IMPA1: variants seen among roughly 807,000 people sequenced by gnomAD.
IMPA1 encodes the protein inositol monophosphatase 1, also known as D-galactose 1-phosphate phosphatase.
IMPA1 carries 21 observed loss-of-function variants against 34.9 expected under a neutral mutation model. The ratio of observed to expected loss-of-function variants is 0.60; its 90% CI spans 0.43 to 0.87. IMPA1 has a LOEUF of 0.87. Among genes scored for constraint, IMPA1 ranks in the 40% least tolerant of loss-of-function variants. IMPA1 has a pLI of 0.00. For missense variants in IMPA1, 299 were observed against 336.4 expected (o/e 0.89, Z 0.87); for synonymous variants, 95 against 104.4 (o/e 0.91, Z 0.55).
chr8:81,662,146 G>A (rs1036438834), intron 7 of IMPA1, among the ~76,000 whole-genome samples: 4 of 152,166 alleles, frequency 2.6e-5, no homozygotes, highest in African/African-American at 9.6e-5. Context: ...GTAGTAGTAA[G>A]TGCACCAAAT....
intron 1 of IMPA1, chr8:81,685,705 T>TTA (rs1203327537): frequency 1.7e-5 from 15 of 872,430 alleles, no homozygotes; most frequent in East Asian, 4.3e-5. Context: ...ATATGAATAG[T>TTA]TATATATATA....
At chr8:81,660,795 G>A in intron 7 of IMPA1, 128 bp from the exon 8 acceptor site, 1 of 520,984 alleles carries the variant, frequency 1.9e-6, no homozygotes, top group Non-Finnish European at 3.3e-6. Context: ...GATTTTAAGA[G>A]GTGATATCTA....
At chr8:81,671,662 C>T (rs534115172) in intron 6 of IMPA1, among the ~76,000 whole-genome samples, 6 of 152,138 alleles carry the variant, frequency 3.9e-5, no homozygotes, top group African/African-American at 7.2e-5. Context: ...CTTTGGGAGG[C>T]GGAGGCAGGC....
rs1345485867 is a variant in IMPA1, at chr8:81,658,109, TTAGA to T, written c.*1238_*1241del. ...CTTAGTATCACACATACTTAATATA[TTAGA>T]TATACACAATAATAAAATCACTCCC... On this transcript the variant is annotated 3_prime_UTR_variant, in exon 9 of 9. Coordinates refer to ENST00000256108, the MANE Select transcript of IMPA1 (RefSeq NM_005536.4). The T allele has an allele frequency of 6.6e-6, 1 of 152,148 alleles. No individual in the cohort carries two copies. The highest frequency in any genetic ancestry group is 1.5e-5 in the Non-Finnish European group (1 of 68,038). 9.4% of individuals were successfully genotyped at this position (152,148 alleles called of 1,614,324 possible).
chr8:81,665,812 T>A (rs1350114379), intron 7 of IMPA1, among the ~76,000 whole-genome samples: 1 of 152,176 alleles, frequency 6.6e-6, no homozygotes, highest in African/African-American at 2.4e-5. Context: ...TGAAAGAACA[T>A]TTTCAAGAAA....
intron 5 of IMPA1, 60 bp downstream of exon 5, chr8:81,676,174 A>T (rs1807124569): frequency 1.5e-6 from 1 of 687,596 alleles, no homozygotes; most frequent in African/African-American, 1.9e-5. Context: ...AAACACATTT[A>T]CTTTTTCTCA....
intron 3 of IMPA1, among the ~76,000 whole-genome samples, chr8:81,679,788 T>C (rs1807238758): frequency 6.6e-6 from 1 of 152,076 alleles, no homozygotes; most frequent in African/African-American, 2.4e-5. Context: ...TAGGGTAAGG[T>C]GTGTGCACAC....
At chr8:81,685,247 T>C (rs1443093951) in intron 1 of IMPA1, among the ~76,000 whole-genome samples, 5 of 80,658 alleles carry the variant, frequency 6.2e-5, no homozygotes, top group African/African-American at 3.0e-4. Context: ...ATACTATATA[T>C]ACTATACATA....
intron 7 of IMPA1, among the ~76,000 whole-genome samples, chr8:81,670,131 T>C (rs1302848794): frequency 6.6e-6 from 1 of 152,170 alleles, no homozygotes; most frequent in Admixed American, 6.5e-5. Flanking sequence ...GTTTCAGGTA[T>C]TATAAGCAAC....
chr8:81,684,138 TAC>T (rs955987022), intron 1 of IMPA1, among the ~76,000 whole-genome samples: 105 of 113,844 alleles, frequency 9.2e-4, no homozygotes, highest in South Asian at 2.9e-3. Context: ...CATACACACA[TAC>T]ACACACACAC....
intron 4 of IMPA1, among the ~76,000 whole-genome samples, 162 bp from the exon 5 acceptor site, chr8:81,676,441 C>T (rs1251444042): frequency 6.6e-6 from 1 of 152,144 alleles, no homozygotes; most frequent in African/African-American, 2.4e-5. Flanking sequence ...GTATGGTATA[C>T]AACCCTTTGT....
In IMPA1 at chr8:81,685,268, CTATATATAG is replaced by C. The variant is rs569421962; in HGVS notation, c.-25+975_-25+983del. Among the ~76,000 whole-genome samples the C allele has an allele frequency of 1.1e-3, 135 of 122,384 alleles. 3 individuals carry two copies. Among genetic ancestry groups the C allele is most frequent in the South Asian group, 2.0e-3 (8 of 4,056 alleles). The allele number at this position is 122,384 out of a possible 152,430, so 80.3% of individuals were successfully genotyped here. On this transcript the variant is annotated intron_variant, in intron 1 of 8. Transcript: ENST00000256108. The stretch of plus-strand genomic sequence containing the variant: ...TATATACTATACATAAGTATAGATA[CTATATATAG>C]TATATATAGTATATATACTATACAT...
intron 1 of IMPA1, among the ~76,000 whole-genome samples, chr8:81,684,572 A>G (rs1807427985): frequency 7.0e-6 from 1 of 143,524 alleles, no homozygotes; most frequent in Non-Finnish European, 1.5e-5. Context: ...TGTGTAGTAT[A>G]TATACTACAC....
intron 3 of IMPA1, among the ~76,000 whole-genome samples, chr8:81,679,584 G>A (rs1220861487): frequency 6.7e-6 from 1 of 149,018 alleles, no homozygotes; most frequent in Non-Finnish European, 1.5e-5. Flanking sequence ...CTGCACTCCA[G>A]CCTGGGTAAC....
At chr8:81,681,113 A>T (rs1472799286) in intron 2 of IMPA1, among the ~76,000 whole-genome samples, 2 of 152,220 alleles carry the variant, frequency 1.3e-5, no homozygotes, top group Non-Finnish European at 2.9e-5. Context: ...TTAACAAGGC[A>T]GGCTGGGTAT....
intron 1 of IMPA1, chr8:81,685,911 C>T: frequency 1.3e-6 from 2 of 1,545,112 alleles, no homozygotes; most frequent in Non-Finnish European, 8.7e-7. Flanking sequence ...TGGGCGCTGC[C>T]CCATCACTTA....
chr8:81,670,059 G>C (rs73283082), intron 7 of IMPA1, among the ~76,000 whole-genome samples: 5,947 of 152,184 alleles, frequency 0.039, 386 homozygotes, highest in African/African-American at 0.14. Context: ...TCAGCCTTGG[G>C]CTTCTGAGCC....
At position 81,659,169 on chromosome 8, in the gene IMPA1, G is replaced by A. The variant is rs575339306; in HGVS notation, c.*182C>T. 9 of 586,464 alleles carry A rather than the reference G, an allele frequency of 1.5e-5. No homozygotes were observed. In the East Asian group the frequency reaches 1.8e-4, roughly 12 times the overall value. The allele number at this position is 586,464 out of a possible 1,614,324, so 36.3% of individuals were successfully genotyped here. On this transcript the variant is annotated 3_prime_UTR_variant, in exon 9 of 9. Coordinates refer to ENST00000256108, the MANE Select transcript of IMPA1 (RefSeq NM_005536.4). ...TACATGCAAAATTTTTTAAATCAGT[G>A]AAACAAACATTATGTCAATTCTTGC...
At chr8:81,676,930 G>A (rs570059341) in intron 4 of IMPA1, among the ~76,000 whole-genome samples, 1 of 152,102 alleles carries the variant, frequency 6.6e-6, no homozygotes, top group African/African-American at 2.4e-5. Flanking sequence ...GAAGGTCAAG[G>A]CTGCAGTGAG....
Sources: allele counts gnomAD v4.1 joint callset (sites outside exome capture counted in the v4.1 genomes callset), GRCh38; gene constraint gnomAD v4.1.1; transcripts MANE v1.5; gene names NCBI Gene and HGNC (gene_info 2026-07-23, HGNC 2026-07-21).